The following KCNMA1 variants were observed in gnomAD, a reference collection of about 807,000 sequenced individuals.
KCNMA1 encodes Calcium-activated potassium channel subunit alpha-1.
A neutral mutation model predicts 140.0 loss-of-function variants in KCNMA1; 29 were observed. The observed-to-expected ratio is 0.21, with a 90% CI of 0.15 to 0.28. The LOEUF (loss-of-function observed/expected upper bound fraction) is 0.28. Among genes scored for constraint, KCNMA1 ranks in the 10% least tolerant of loss-of-function variants. The pLI, the probability that KCNMA1 is intolerant of heterozygous loss-of-function variation, is 1.00. For missense variants in KCNMA1, 880 were observed against 1,602.2 expected, an observed-to-expected ratio of 0.55 and a Z score of 7.70; for synonymous variants, 612 against 611.9, an observed-to-expected ratio of 1.00 and a Z score of 0.00.
intron 23 of KCNMA1, among the ~76,000 whole-genome samples, chr10:76,928,385 T>C (rs1333945513): frequency 6.6e-6 from 1 of 151,980 alleles, no homozygotes; most frequent in Admixed American, 6.6e-5. Context: ...GCCTCCATGC[T>C]TCCTAATAGA....
intron 9 of KCNMA1, among the ~76,000 whole-genome samples, chr10:77,102,034 C>T (rs571798045): frequency 2.6e-5 from 4 of 152,256 alleles, no homozygotes; most frequent in South Asian, 2.1e-4. Context: ...CCAAATAGTA[C>T]GATGTGTAGC....
intron 6 of KCNMA1, among the ~76,000 whole-genome samples, chr10:77,117,339 A>G (rs1182582410): frequency 6.6e-6 from 1 of 152,034 alleles, no homozygotes; most frequent in Non-Finnish European, 1.5e-5. Context: ...ACCTGAGGTC[A>G]AAAGTTCGAG....
chr10:77,144,048 G>A (rs767564263), intron 5 of KCNMA1, among the ~76,000 whole-genome samples: 52 of 151,920 alleles, frequency 3.4e-4, no homozygotes, highest in Non-Finnish European at 5.3e-4. Context: ...TCTATCCTAT[G>A]ACCCAGAGAC....
In KCNMA1 at chr10:77,630,650, A is replaced by C. The variant is rs139974557; in HGVS notation, c.378+6615T>G. ...AAGCCTGTCTTCAGGGATGGACTGC[A>C]CGGAGGCTGAGGGATGGACCAGATC... On this transcript the variant is annotated intron_variant, in intron 1 of 27. Coordinates refer to ENST00000286628, the MANE Select transcript of KCNMA1 (RefSeq NM_001161352.2). Among the ~76,000 whole-genome samples, 794 of 152,318 alleles carry C rather than the reference A, an allele frequency of 5.2e-3. 5 individuals carry two copies. Among genetic ancestry groups the C allele is most frequent in the Non-Finnish European group, 6.2e-3 (420 of 68,034 alleles).
downstream of KCNMA1, chr10:76,877,296 A>G (rs1465329935): frequency 6.4e-6 from 1 of 155,182 alleles, no homozygotes; most frequent in African/African-American, 2.4e-5. Flanking sequence ...AATTGTTTTA[A>G]TAATTCATTT....
chr10:76,885,381 C>T lies in KCNMA1; in HGVS notation c.*1885G>A. ...TTTACATGTATACAATTATTCCCCA[C>T]CACAATACTGGTTTGAATACTACGC... is the stretch of plus-strand genomic sequence containing the variant. On this transcript the variant is annotated 3_prime_UTR_variant, in exon 28 of 28. Transcript: ENST00000286628. 1.0e-6 allele frequency: 1 copy of T among 985,122 alleles called. No individual in the cohort carries two copies. Among genetic ancestry groups the T allele is most frequent in the South Asian group, 4.7e-5 (1 of 21,268 alleles). The allele number at this position is 985,122 out of a possible 1,614,324, so 61.0% of individuals were successfully genotyped here.
At chr10:77,045,888 C>T (rs957662294) in intron 14 of KCNMA1, among the ~76,000 whole-genome samples, 5 of 152,130 alleles carry the variant, frequency 3.3e-5, no homozygotes, top group Admixed American at 6.5e-5. Context: ...CACCTCTACC[C>T]GTGAAGTCAT....
At chr10:77,240,272 T>C (rs2154226885) in intron 3 of KCNMA1, among the ~76,000 whole-genome samples, 1 of 152,302 alleles carries the variant, frequency 6.6e-6, no homozygotes, top group East Asian at 1.9e-4. Context: ...GTAGAGTTAG[T>C]GATATGTAGC....
chr10:77,079,762 C>A, intron 12 of KCNMA1: 1 of 597,636 alleles, frequency 1.7e-6, no homozygotes. Flanking sequence ...ACAAGCCCAG[C>A]AGTGTGCCCT....
intron 20 of KCNMA1, among the ~76,000 whole-genome samples, chr10:76,968,081 A>G (rs916294106): frequency 5.3e-5 from 8 of 152,174 alleles, no homozygotes; most frequent in Non-Finnish European, 1.2e-4. Flanking sequence ...GCTTGTGGAA[A>G]AAAAGTCCCC....
chr10:77,571,492 A>G (rs147224479), intron 1 of KCNMA1, among the ~76,000 whole-genome samples: 14 of 152,334 alleles, frequency 9.2e-5, no homozygotes, highest in Non-Finnish European at 1.9e-4. Flanking sequence ...CAGACTTATG[A>G]TTACAAATTC....
intron 2 of KCNMA1, among the ~76,000 whole-genome samples, chr10:77,288,777 G>A (rs771340476): frequency 6.6e-5 from 10 of 152,190 alleles, no homozygotes; most frequent in African/African-American, 1.9e-4. Context: ...CTGATTAGAG[G>A]AGATCTGAGG....
intron 3 of KCNMA1, among the ~76,000 whole-genome samples, chr10:77,203,934 T>G (rs1000038475): frequency 3.3e-5 from 5 of 151,562 alleles, no homozygotes; most frequent in Admixed American, 6.6e-5. Context: ...TCATCTCTAA[T>G]AGAATACAAA....
intron 5 of KCNMA1, among the ~76,000 whole-genome samples, chr10:77,153,894 C>G (rs2098453591): frequency 6.6e-6 from 1 of 152,150 alleles, no homozygotes; most frequent in South Asian, 2.1e-4. Flanking sequence ...CCGGGCCCAG[C>G]TCTGTTGCTT....
At chr10:77,474,597 AT>A (rs2154529594) in intron 1 of KCNMA1, among the ~76,000 whole-genome samples, 2 of 152,086 alleles carry the variant, frequency 1.3e-5, no homozygotes, top group East Asian at 3.9e-4. Flanking sequence ...GGAAACTCAC[AT>A]GGGGCGCGGT....
intron 1 of KCNMA1, among the ~76,000 whole-genome samples, chr10:77,441,850 C>CCT (rs536284616): frequency 2.7e-5 from 4 of 150,696 alleles, no homozygotes; most frequent in Admixed American, 2.6e-4. Flanking sequence ...TTTTTTTCTT[C>CCT]TTTTTTTGGT....
chr10:77,450,460 T>A (rs182905150), intron 1 of KCNMA1, among the ~76,000 whole-genome samples: 3 of 152,320 alleles, frequency 2.0e-5, no homozygotes, highest in African/African-American at 7.2e-5. Context: ...GTTTTCAGAA[T>A]AACATTTCAT....
chr10:77,591,003 C>T (rs1009612806), intron 1 of KCNMA1, among the ~76,000 whole-genome samples: 1 of 152,154 alleles, frequency 6.6e-6, no homozygotes, highest in Non-Finnish European at 1.5e-5. Flanking sequence ...AATAGAGCCA[C>T]GGAGCTCAAC....
At chr10:77,555,062 A>T (rs1203821269) in intron 1 of KCNMA1, among the ~76,000 whole-genome samples, 2 of 152,016 alleles carry the variant, frequency 1.3e-5, no homozygotes, top group African/African-American at 4.8e-5. Context: ...CCACATACAC[A>T]CACGCACGCA....
Sources: allele counts gnomAD v4.1 joint callset (sites outside exome capture counted in the v4.1 genomes callset), GRCh38; gene constraint gnomAD v4.1.1; transcripts MANE v1.5; gene names NCBI Gene and HGNC (gene_info 2026-07-23, HGNC 2026-07-21).